Variants in SGCZ observed in about 807,000 individuals in gnomAD.
The protein encoded by SGCZ is zeta-sarcoglycan.
SGCZ carries 40 observed loss-of-function variants against 41.3 expected under a neutral mutation model. The ratio of observed to expected loss-of-function variants is 0.97; its 90% confidence interval spans 0.75 to 1.26. SGCZ has a LOEUF of 1.26. Ranked by LOEUF, SGCZ falls within the 50% of genes most tolerant of loss-of-function variation. The probability of loss-of-function intolerance (pLI) is 0.00; values close to 1 mark genes in which losing one functional copy is unlikely to be tolerated. For missense variants in SGCZ, 552 were observed against 369.8 expected (o/e 1.49, Z -4.04); for synonymous variants, 206 against 137.5 (o/e 1.50, Z -3.49).
chr8:14,712,454 T>C (rs918310047), intron 1 of SGCZ, among the ~76,000 whole-genome samples: 3 of 152,258 alleles, frequency 2.0e-5, no homozygotes, highest in Non-Finnish European at 4.4e-5. Context: ...AAATCTGCAG[T>C]ATGTGAGGTT....
intron 2 of SGCZ, among the ~76,000 whole-genome samples, chr8:14,481,815 T>A (rs1325223491): frequency 6.6e-6 from 1 of 152,186 alleles, no homozygotes; most frequent in Admixed American, 6.5e-5. Flanking sequence ...GATAACCGAT[T>A]CCTTTATAAA....
chr8:14,124,664 A>G (rs1026793385), intron 5 of SGCZ, among the ~76,000 whole-genome samples: 32 of 152,330 alleles, frequency 2.1e-4, no homozygotes, highest in African/African-American at 7.5e-4. Context: ...CTACATCAAG[A>G]TAAAGAGTTT....
In SGCZ at chr8:14,554,821, A is replaced by C. The variant is rs1289350469; in HGVS notation, c.145T>G (p.Leu49Val). ...VGIYGWRKRC[L>V]YFFVLLLLVT... ...AACAGCAGAAGGACAAAGAAGTATA[A>C]GCACCTCTTTCGCCATCCATAAATT... Residue 49 changes from leucine to valine, a missense_variant, in exon 2 of 8, where the codon TTA becomes GTA. By Grantham distance (32) the Leu-to-Val change is conservative. Transcript: ENST00000382080. 1.2e-6 allele frequency: 2 copies of C among 1,613,310 alleles called. No individual in the cohort carries two copies. Among genetic ancestry groups the C allele is most frequent in the Non-Finnish European group, 1.7e-6 (2 of 1,179,528 alleles).
At chr8:14,260,550 G>C (rs1317601505) in intron 3 of SGCZ, among the ~76,000 whole-genome samples, 2 of 147,846 alleles carry the variant, frequency 1.4e-5, no homozygotes, top group Non-Finnish European at 3.0e-5. Flanking sequence ...GATTCCTCAG[G>C]GATCTAGAAC....
At chr8:14,350,429 A>G (rs531145994) in intron 2 of SGCZ, among the ~76,000 whole-genome samples, 1 of 152,192 alleles carries the variant, frequency 6.6e-6, no homozygotes, top group East Asian at 1.9e-4. Context: ...CATCCTAATC[A>G]TTCTGTTGCT....
At chr8:15,051,137 T>A (rs966383774) in intron 1 of SGCZ, among the ~76,000 whole-genome samples, 1 of 152,146 alleles carries the variant, frequency 6.6e-6, no homozygotes, top group African/African-American at 2.4e-5. Flanking sequence ...CTTCTTCACC[T>A]GCAGAAATTC....
intron 1 of SGCZ, among the ~76,000 whole-genome samples, chr8:14,823,345 A>G (rs1292081046): frequency 6.6e-6 from 1 of 152,168 alleles, no homozygotes; most frequent in Non-Finnish European, 1.5e-5. Flanking sequence ...AACAAGATTT[A>G]AAATCCAGAA....
At chr8:14,960,515 C>A (rs188382746) in intron 1 of SGCZ, among the ~76,000 whole-genome samples, 1 of 152,114 alleles carries the variant, frequency 6.6e-6, no homozygotes, top group African/African-American at 2.4e-5. Context: ...CCACTGCAAG[C>A]AGCTGAAGAA....
chr8:14,755,284 A>G (rs1019311440), intron 1 of SGCZ, among the ~76,000 whole-genome samples: 1 of 151,964 alleles, frequency 6.6e-6, no homozygotes, highest in African/African-American at 2.4e-5. Context: ...AGTTTTGTTG[A>G]TCTCTACTGA....
chr8:14,807,307 A>T (rs1272898125), intron 1 of SGCZ, among the ~76,000 whole-genome samples: 2 of 152,166 alleles, frequency 1.3e-5, no homozygotes, highest in African/African-American at 4.8e-5. Flanking sequence ...TTTGCAGACG[A>T]CATGATTGTA....
chr8:14,150,563 C>A (rs1245384158), intron 5 of SGCZ, among the ~76,000 whole-genome samples: 2 of 152,072 alleles, frequency 1.3e-5, no homozygotes, highest in Non-Finnish European at 2.9e-5. Flanking sequence ...CCCTTGTATA[C>A]TATTGGAGGG....
At chr8:15,191,691 G>A (rs555024940) in intron 1 of SGCZ, among the ~76,000 whole-genome samples, 4 of 152,130 alleles carry the variant, frequency 2.6e-5, no homozygotes, top group African/African-American at 9.6e-5. Context: ...CCTCATACGA[G>A]CTTCAGCTGT....
At chr8:14,245,121 C>A (rs535163622) in intron 3 of SGCZ, among the ~76,000 whole-genome samples, 1 of 152,246 alleles carries the variant, frequency 6.6e-6, no homozygotes, top group East Asian at 1.9e-4. Context: ...CCAGAACTTC[C>A]AACAGTATGT....
chr8:14,759,842 T>C (rs1438411128), intron 1 of SGCZ, among the ~76,000 whole-genome samples: 1 of 152,128 alleles, frequency 6.6e-6, no homozygotes, highest in South Asian at 2.1e-4. Context: ...AGGGCTACTT[T>C]AAAAGGAGGA....
chr8:14,447,233 A>C (rs921035090), intron 2 of SGCZ, among the ~76,000 whole-genome samples: 2 of 152,202 alleles, frequency 1.3e-5, no homozygotes, highest in Non-Finnish European at 2.9e-5. Flanking sequence ...TCACACATTT[A>C]TCAAGTAAAG....
intron 2 of SGCZ, among the ~76,000 whole-genome samples, chr8:14,510,483 A>G (rs1268315226): frequency 6.6e-6 from 1 of 152,134 alleles, no homozygotes; most frequent in African/African-American, 2.4e-5. Context: ...GTAACAACAG[A>G]TGTCACAGAT....
chr8:14,374,568 T>C (rs996850676), intron 2 of SGCZ, among the ~76,000 whole-genome samples: 1 of 131,106 alleles, frequency 7.6e-6, no homozygotes, highest in Non-Finnish European at 1.6e-5. Flanking sequence ...AAAGAGTCAT[T>C]TGGTTGAGAA....
At chr8:14,742,819 G>A (rs1799233144) in intron 1 of SGCZ, among the ~76,000 whole-genome samples, 1 of 152,020 alleles carries the variant, frequency 6.6e-6, no homozygotes, top group Non-Finnish European at 1.5e-5. Flanking sequence ...TATGTTACCT[G>A]TATATTTACA....
At chr8:15,006,722 A>T (rs924975702) in intron 1 of SGCZ, among the ~76,000 whole-genome samples, 5 of 152,190 alleles carry the variant, frequency 3.3e-5, no homozygotes, top group Admixed American at 3.3e-4. Flanking sequence ...CTCTATAAAA[A>T]AATCTTGACG....
Sources: gnomAD v4.1 joint callset for allele counts (sites outside exome capture counted in the v4.1 genomes callset) on GRCh38, gnomAD v4.1.1 for gene constraint, MANE v1.5 for transcripts, NCBI Gene and HGNC (gene_info 2026-07-23, HGNC 2026-07-21) for gene names.